The following SPHKAP variants were observed in gnomAD, a reference collection of about 807,000 sequenced individuals.
The protein encoded by SPHKAP is A-kinase anchor protein SPHKAP.
In SPHKAP, 67 loss-of-function variants were observed where a neutral mutation model predicts 137.5. The observed-to-expected ratio is 0.49, with a 90% confidence interval of 0.40 to 0.60. SPHKAP has a LOEUF of 0.60. SPHKAP is among the 20% of genes least tolerant of loss of function. The pLI, the probability that SPHKAP is intolerant of heterozygous loss-of-function variation, is 0.00. For synonymous variants in SPHKAP, 813 were observed against 785.3 expected (o/e 1.04, Z -0.59); for missense variants, 2,097 against 2,069.3 (o/e 1.01, Z -0.26).
intron 3 of SPHKAP, among the ~76,000 whole-genome samples, chr2:228,064,317 T>C (rs1048826666): frequency 6.6e-6 from 1 of 152,192 alleles, no homozygotes; most frequent in African/African-American, 2.4e-5. Context: ...TATTGCACAT[T>C]GTAAATAGAA....
rs903871548 is a variant in SPHKAP, at chr2:227,995,493, AG to A, written c.4634+15del. 5.6e-6 allele frequency: 9 copies of A among 1,613,842 alleles called. No individual in the cohort carries two copies. Among genetic ancestry groups the A allele is most frequent in the Non-Finnish European group, 6.8e-6 (8 of 1,179,934 alleles). On this transcript the variant is annotated intron_variant, in intron 8 of 11. Transcript: ENST00000392056. ...TGAGACCAATTTCCCTGGGAATTCA[AG>A]GGAAGAGCAGGTACCTCATGGATCG...
rs751075504 is a variant in SPHKAP at position 228,027,551 on chromosome 2, A to G, written c.247-8T>C. ...AAGATTCACAAAGCAGACCTGGGAA[A>G]AGAGGGCAAAAATAGTACGTTAAAG... On this transcript the variant is annotated splice_region_variant and splice_polypyrimidine_tract_variant and intron_variant, in intron 3 of 11. Transcript: ENST00000392056. 31 of 1,613,640 alleles carry G rather than the reference A, an allele frequency of 1.9e-5. No individual in the cohort carries two copies. The Middle Eastern group carries it at 4.9e-4, about 26-fold the overall frequency.
At chr2:228,069,029 G>A (rs994474445) in intron 3 of SPHKAP, among the ~76,000 whole-genome samples, 1 of 152,144 alleles carries the variant, frequency 6.6e-6, no homozygotes, top group Admixed American at 6.5e-5. Context: ...CACTTTTGGA[G>A]GCTGAGGCAG....
At chr2:228,028,907 AAGTT>A (rs1695173058) in intron 3 of SPHKAP, among the ~76,000 whole-genome samples, 1 of 152,060 alleles carries the variant, frequency 6.6e-6, no homozygotes, top group African/African-American at 2.4e-5. Flanking sequence ...GGAGAAAAGA[AAGTT>A]AAAGTTTTCA....
chr2:228,011,176 T>C (rs1338040452), intron 7 of SPHKAP, among the ~76,000 whole-genome samples: 1 of 151,858 alleles, frequency 6.6e-6, no homozygotes, highest in Non-Finnish European at 1.5e-5. Flanking sequence ...GGTTATAAAT[T>C]CTCAAGGGGA....
rs1368864807 is a variant in SPHKAP at position 228,093,959 on chromosome 2, G to A, written c.246+14873C>T. Reference sequence around the variant, plus strand: ...GAGGATGGTATGCCTGGGAAGTGATGACTAAGCAAAGTGGAGTTTCTTTTG... The same window carrying A: ...GAGGATGGTATGCCTGGGAAGTGATAACTAAGCAAAGTGGAGTTTCTTTTG... On this transcript the variant is annotated intron_variant, in intron 3 of 11. Transcript: ENST00000392056. Among the ~76,000 whole-genome samples, 3 of 150,366 alleles carry A rather than the reference G, an allele frequency of 2.0e-5. No homozygotes were observed. The East Asian group carries it at 5.9e-4, about 30-fold the overall frequency.
Position 227,995,536 on chromosome 2 carries a change from A to G in SPHKAP, c.4607T>C (p.Phe1536Ser), listed in dbSNP as rs1693605479. ...EEDNPDDTSS[F>S]LQLSERSMSN... is the part of the protein sequence containing the mutation. Reference sequence around the variant, plus strand: ...CATGGATCGCTCACTGAGCTGGAGAAAGCTACTTGTGTCATCTGGGTTGTC... The same window carrying G: ...CATGGATCGCTCACTGAGCTGGAGAGAGCTACTTGTGTCATCTGGGTTGTC... The change falls in exon 8 of 12, where the codon TTT becomes TCT. Residue 1536 changes from phenylalanine to serine, a missense_variant. Coordinates refer to ENST00000392056, the MANE Select transcript of SPHKAP (RefSeq NM_001142644.2). 3 of 1,613,934 alleles carry G rather than the reference A, an allele frequency of 1.9e-6. No individual in the cohort carries two copies. The highest frequency in any genetic ancestry group is 2.5e-6 in the Non-Finnish European group (3 of 1,179,996).
Position 228,068,374 on chromosome 2 carries a change from A to C in SPHKAP, c.246+40458T>G, listed in dbSNP as rs531718269. On this transcript the variant is annotated intron_variant, in intron 3 of 11. Coordinates refer to ENST00000392056, the MANE Select transcript of SPHKAP (RefSeq NM_001142644.2). ...TTCTCCACAGAAATAGAAAAAAAAA[A>C]CAACACCTTAAAATATATATGGAAC... Among the ~76,000 whole-genome samples, 113 of 152,212 alleles carry C rather than the reference A, an allele frequency of 7.4e-4. 2 individuals are homozygous for C. The South Asian group carries it at 0.012, about 16-fold the overall frequency.
chr2:228,090,110 A>G (rs1015933554), intron 3 of SPHKAP, among the ~76,000 whole-genome samples: 1 of 152,202 alleles, frequency 6.6e-6, no homozygotes, highest in Non-Finnish European at 1.5e-5. Context: ...GAAAAACTGT[A>G]GGCACTCAAC....
At chr2:228,153,124 T>A (rs1699988365) in intron 1 of SPHKAP, among the ~76,000 whole-genome samples, 1 of 152,174 alleles carries the variant, frequency 6.6e-6, no homozygotes, top group Non-Finnish European at 1.5e-5. Flanking sequence ...CATGGAACTG[T>A]GAGTCAATTA....
At chr2:228,112,393 C>T (rs943539244) in intron 2 of SPHKAP, among the ~76,000 whole-genome samples, 37 of 151,906 alleles carry the variant, frequency 2.4e-4, no homozygotes, top group African/African-American at 8.9e-4. Flanking sequence ...TTATATCCTG[C>T]ACCTTGTCTA....
chr2:228,091,718 G>T (rs1391153852), intron 3 of SPHKAP, among the ~76,000 whole-genome samples: 1 of 151,924 alleles, frequency 6.6e-6, no homozygotes, highest in Non-Finnish European at 1.5e-5. Flanking sequence ...ACCACAATGT[G>T]ATACCACCTT....
intron 3 of SPHKAP, among the ~76,000 whole-genome samples, chr2:228,028,302 A>G (rs1431674752): frequency 1.3e-5 from 2 of 152,188 alleles, no homozygotes; most frequent in Non-Finnish European, 2.9e-5. Flanking sequence ...AATGTAGTGC[A>G]TAATAAGCCA....
chr2:228,180,604 A>T (rs1700877400), intron 1 of SPHKAP, among the ~76,000 whole-genome samples: 1 of 152,126 alleles, frequency 6.6e-6, no homozygotes, highest in Non-Finnish European at 1.5e-5. Flanking sequence ...TGCCCAGGAG[A>T]GGTGGGGCTG....
At chr2:228,069,887 T>A (rs1298500825) in intron 3 of SPHKAP, among the ~76,000 whole-genome samples, 2 of 152,178 alleles carry the variant, frequency 1.3e-5, no homozygotes, top group Non-Finnish European at 2.9e-5. Flanking sequence ...ATTACTGCCA[T>A]TCAATACATC....
At chr2:227,994,485 A>G (rs1197736290) in intron 8 of SPHKAP, among the ~76,000 whole-genome samples, 1 of 152,162 alleles carries the variant, frequency 6.6e-6, no homozygotes, top group African/African-American at 2.4e-5. Context: ...AAGTCTTCCA[A>G]AGGGTGAGTG....
chr2:228,039,330 G>C lies in SPHKAP; in HGVS notation c.247-11787C>G, dbSNP rs191778959. Among the ~76,000 whole-genome samples, 360 of 152,256 alleles carry C rather than the reference G, an allele frequency of 2.4e-3. 3 individuals carry two copies. The highest frequency in any genetic ancestry group is 8.4e-3 in the African/African-American group (348 of 41,534). On this transcript the variant is annotated intron_variant, in intron 3 of 11. Transcript: ENST00000392056. ...ATGGTTTTTAAACAAAACATTGCAGGAATAAATGTCACTGAGAAGATGATG... is the reference window on the plus strand; with the variant it reads ...ATGGTTTTTAAACAAAACATTGCAGCAATAAATGTCACTGAGAAGATGATG...
chr2:228,080,321 A>G (rs1045696008), intron 3 of SPHKAP, among the ~76,000 whole-genome samples: 5 of 152,256 alleles, frequency 3.3e-5, no homozygotes, highest in African/African-American at 1.2e-4. Flanking sequence ...AATAATATAA[A>G]TAGACATTTG....
At chr2:228,042,574 T>C (rs1422702450) in intron 3 of SPHKAP, among the ~76,000 whole-genome samples, 1 of 152,114 alleles carries the variant, frequency 6.6e-6, no homozygotes, top group Non-Finnish European at 1.5e-5. Context: ...ATTTGTTTGT[T>C]CTGGAAATTT....
Sources: allele counts gnomAD v4.1 joint callset (sites outside exome capture counted in the v4.1 genomes callset), GRCh38; gene constraint gnomAD v4.1.1; transcripts MANE v1.5; gene names NCBI Gene and HGNC (gene_info 2026-07-23, HGNC 2026-07-21).